The following GAS6 variants were observed in gnomAD, a reference collection of about 807,000 sequenced individuals.
GAS6 encodes the protein growth arrest specific 6, also known as growth arrest-specific protein 6.
A neutral mutation model predicts 75.8 loss-of-function variants in GAS6; 41 were observed. The ratio of observed to expected loss-of-function variants is 0.54; its 90% CI spans 0.42 to 0.70. GAS6 has a LOEUF of 0.70. GAS6 is among the 30% of genes least tolerant of loss of function. The pLI is 0.00. For synonymous variants in GAS6, 432 were observed against 412.6 expected, an observed-to-expected ratio of 1.05 and a Z score of -0.57; for missense variants, 854 against 940.2, an observed-to-expected ratio of 0.91 and a Z score of 1.20.
At chr13:113,822,244 G>A (rs929158952) in intron 13 of GAS6, 58 bp from the exon 14 acceptor site, 2 of 1,311,722 alleles carry the variant, frequency 1.5e-6, no homozygotes, top group East Asian at 2.6e-5. Context: ...GAGCTGTTAG[G>A]TCCAAGCTGG....
chr13:113,821,102 G>T, intron 14 of GAS6, 84 bp from the exon 15 acceptor site: 1 of 1,466,398 alleles, frequency 6.8e-7, no homozygotes, highest in Non-Finnish European at 9.4e-7. Flanking sequence ...CAGCGCTTGT[G>T]GCCAGCCCCG....
chr13:113,863,545 T>C lies in GAS6; in HGVS notation c.255+30A>G, dbSNP rs995337142. Reference sequence around the variant, plus strand: ...TTGGAGGCGCGCGGGCGCCAGGGGTTCCCCCGCATCCCGCCCGCCGGCTGC... The same window carrying C: ...TTGGAGGCGCGCGGGCGCCAGGGGTCCCCCCGCATCCCGCCCGCCGGCTGC... On this transcript the variant is annotated intron_variant, in intron 2 of 14. Transcript: ENST00000327773. The surrounding 1 kb of genome is among the most constrained non-coding windows in gnomAD (Gnocchi z 9.4). 1 of 1,488,922 alleles carries C rather than the reference T, an allele frequency of 6.7e-7. No homozygotes were observed. The highest frequency in any genetic ancestry group is 8.9e-7 in the Non-Finnish European group (1 of 1,125,662). 92.2% of individuals were successfully genotyped at this position (1,488,922 alleles called of 1,614,324 possible). A position where few individuals can be genotyped will look rare whatever the true frequency, so the allele number is the denominator to read the frequency against.
intron 2 of GAS6, among the ~76,000 whole-genome samples, chr13:113,858,805 G>T (rs1050808601): frequency 6.6e-6 from 1 of 151,094 alleles, no homozygotes; most frequent in Admixed American, 6.6e-5. Flanking sequence ...CTGTATGTAT[G>T]TCTATGTGAA....
Position 113,833,313 on chromosome 13 carries a change from G to A in GAS6, c.835-561C>T, listed in dbSNP as rs568074911. ...TCCGACACCCTCTGCATGAGTACAT[G>A]AGGCAGCGAGGCAAAGAACCTCAAG... On this transcript the variant is annotated intron_variant, in intron 8 of 14. Coordinates refer to ENST00000327773, the MANE Select transcript of GAS6 (RefSeq NM_000820.4). 8.9e-5 allele frequency: 90 copies of A among 1,007,230 alleles called. No individual in the cohort carries two copies. The African/African-American group carries it at 1.5e-3, about 17-fold the overall frequency. The allele number at this position is 1,007,230 out of a possible 1,614,324, so 62.4% of individuals were successfully genotyped here.
chr13:113,852,437 A>G (rs1056252627), intron 2 of GAS6, among the ~76,000 whole-genome samples: 1 of 152,082 alleles, frequency 6.6e-6, no homozygotes, highest in African/African-American at 2.4e-5. Flanking sequence ...AGGAAACTGA[A>G]CCTGAAGCAG....
chr13:113,849,077 T>C (rs113442775), intron 2 of GAS6, among the ~76,000 whole-genome samples: 3 of 152,218 alleles, frequency 2.0e-5, no homozygotes, highest in Non-Finnish European at 4.4e-5. Context: ...GCCACACCTT[T>C]TGTGGGAAGA....
At chr13:113,857,425 G>A (rs1018196229) in intron 2 of GAS6, among the ~76,000 whole-genome samples, 4 of 152,142 alleles carry the variant, frequency 2.6e-5, no homozygotes, top group African/African-American at 9.7e-5. Context: ...TACACACCAG[G>A]TTTGCAGTGA....
chr13:113,863,360 C>T lies in GAS6; in HGVS notation c.255+215G>A, dbSNP rs1489227574. 6.6e-6 allele frequency among the ~76,000 whole-genome samples: 1 copy of T among 152,174 alleles called. No individual in the cohort carries two copies. The highest frequency in any genetic ancestry group is 2.4e-5 in the African/African-American group (1 of 41,458). On this transcript the variant is annotated intron_variant, in intron 2 of 14. Transcript: ENST00000327773. The surrounding 1 kb of genome is among the most constrained non-coding windows in gnomAD (Gnocchi z 9.4). ...GAGGCGTCTGACAGCGAGCGTTTCC[C>T]GGACAGCCCCGCAGCGTCTCACCGG...
intron 5 of GAS6, chr13:113,839,296 C>T (rs1021418424): frequency 2.2e-5 from 4 of 182,154 alleles, no homozygotes; most frequent in Non-Finnish European, 3.4e-5. Flanking sequence ...CACAGGTCTA[C>T]ACTGAAGGAC....
intron 2 of GAS6, among the ~76,000 whole-genome samples, chr13:113,857,950 G>T (rs2051927456): frequency 6.6e-6 from 1 of 152,262 alleles, no homozygotes; most frequent in Non-Finnish European, 1.5e-5. Flanking sequence ...AGCCAGCACG[G>T]AAGACGGCCC....
chr13:113,834,767 G>A (rs1462567037), intron 7 of GAS6, 95 bp from the exon 8 acceptor site: 6 of 1,274,876 alleles, frequency 4.7e-6, no homozygotes, highest in Non-Finnish European at 5.1e-6. Flanking sequence ...CACGCAAGGT[G>A]CGCTCAAGGA....
intron 2 of GAS6, among the ~76,000 whole-genome samples, chr13:113,851,325 G>A (rs977625081): frequency 6.6e-6 from 1 of 151,766 alleles, no homozygotes; most frequent in Non-Finnish European, 1.5e-5. Flanking sequence ...ATGAGTGAAT[G>A]AATGAGTGGG....
chr13:113,825,064 C>T (rs2051517236), intron 12 of GAS6, among the ~76,000 whole-genome samples: 1 of 151,738 alleles, frequency 6.6e-6, no homozygotes, highest in Non-Finnish European at 1.5e-5. Context: ...ACTAAAAATG[C>T]AAAATTAGCT....
chr13:113,823,325 G>A lies in GAS6; in HGVS notation c.1653+50C>T, dbSNP rs111811933. ...TCCCCTGCCAGGGAGTGCAGCCCACGTACCCGTGGGTCGAGCCGGTCAGGA... is the reference window on the plus strand; with the variant it reads ...TCCCCTGCCAGGGAGTGCAGCCCACATACCCGTGGGTCGAGCCGGTCAGGA... On this transcript the variant is annotated intron_variant, in intron 13 of 14. Coordinates refer to ENST00000327773, the MANE Select transcript of GAS6 (RefSeq NM_000820.4). 29 of 1,546,792 alleles carry A rather than the reference G, an allele frequency of 1.9e-5. No individual in the cohort carries two copies. In the African/African-American group the frequency reaches 2.2e-4, roughly 12 times the overall value.
chr13:113,828,515 C>T (rs553682151), intron 11 of GAS6, 32 bp downstream of exon 11: 13 of 1,590,230 alleles, frequency 8.2e-6, no homozygotes, highest in East Asian at 4.5e-5. Flanking sequence ...CAGCACACGG[C>T]GCGTCTACAC....
intron 13 of GAS6, 159 bp downstream of exon 13, chr13:113,823,216 C>A: frequency 1.3e-6 from 1 of 755,146 alleles, no homozygotes; most frequent in Non-Finnish European, 2.0e-6. Context: ...CAGCCCGAAG[C>A]GTGGCCCACG....
chr13:113,860,591 C>G, intron 2 of GAS6, among the ~76,000 whole-genome samples: 1 of 152,168 alleles, frequency 6.6e-6, no homozygotes, highest in East Asian at 1.9e-4. Context: ...GTTACCCAGT[C>G]TTCTCTGAAT....
Position 113,827,043 on chromosome 13 carries a change from C to A in GAS6, c.1430G>T (p.Gly477Val), listed in dbSNP as rs1327411365. Residue 477 changes from glycine to valine, a missense_variant, in exon 12 of 15, where the codon GGC (glycine) becomes GTC (valine). Coordinates refer to ENST00000327773, the MANE Select transcript of GAS6 (RefSeq NM_000820.4). The part of the protein sequence containing the change: ...RMQCFSVTER[G>V]SFYPGSGFAF... ...GAAGCCGCTCCCGGGGTAGAAAGAG[C>A]CTCTCTCCGTCACCGAGAAGCACTG... is the stretch of plus-strand genomic sequence containing the variant. The A allele has an allele frequency of 6.2e-7, 1 of 1,613,326 alleles. No homozygotes were observed. The highest frequency in any genetic ancestry group is 8.5e-7 in the Non-Finnish European group (1 of 1,179,966).
At chr13:113,861,842 C>G (rs1206318166) in intron 2 of GAS6, among the ~76,000 whole-genome samples, 11 of 152,144 alleles carry the variant, frequency 7.2e-5, no homozygotes, top group Admixed American at 6.5e-4. Flanking sequence ...GGCATGGGGG[C>G]TGGGAAGGAG....
Sources: allele counts gnomAD v4.1 joint callset (sites outside exome capture counted in the v4.1 genomes callset), GRCh38; gene constraint gnomAD v4.1.1; non-coding constraint Gnocchi (gnomAD v3.1); transcripts MANE v1.5; gene names NCBI Gene and HGNC (gene_info 2026-07-23, HGNC 2026-07-21).